USP47: variants seen among roughly 807,000 people sequenced by gnomAD.
USP47 encodes ubiquitin carboxyl-terminal hydrolase 47.
A neutral mutation model predicts 165.1 loss-of-function variants in USP47; 35 were observed. The observed-to-expected ratio is 0.21, with a 90% CI of 0.16 to 0.28. The LOEUF (loss-of-function observed/expected upper bound fraction) is 0.28. Ranked by LOEUF, USP47 falls within the 10% of genes least tolerant of loss-of-function variation. The probability of loss-of-function intolerance (pLI) is 1.00; values close to 1 mark genes in which losing one functional copy is unlikely to be tolerated. For synonymous variants in USP47, 531 were observed against 544.5 expected, an observed-to-expected ratio of 0.98 and a Z score of 0.35; for missense variants, 1,277 against 1,607.4, an observed-to-expected ratio of 0.79 and a Z score of 3.52.
At chr11:11,911,634 A>AGT (rs1234298002) in intron 8 of USP47, among the ~76,000 whole-genome samples, 1 of 152,182 alleles carries the variant, frequency 6.6e-6, no homozygotes, top group Non-Finnish European at 1.5e-5. Flanking sequence ...AACTAAAAGG[A>AGT]AAAAGACAAA....
intron 2 of USP47, among the ~76,000 whole-genome samples, chr11:11,882,157 A>G (rs1394252634): frequency 6.6e-6 from 1 of 152,188 alleles, no homozygotes; most frequent in Non-Finnish European, 1.5e-5. Context: ...CTCATTGCCC[A>G]CTGATTAAAA....
chr11:11,955,266 G>A (rs1209093113), intron 27 of USP47, 102 bp downstream of exon 27: 17 of 1,367,568 alleles, frequency 1.2e-5, no homozygotes, highest in East Asian at 7.3e-5. Flanking sequence ...GATATGGAGC[G>A]GCACTAACCG....
At chr11:11,950,856 A>G (rs1306929932) in intron 24 of USP47, 1 of 153,884 alleles carries the variant, frequency 6.5e-6, no homozygotes, top group Non-Finnish European at 1.4e-5. Flanking sequence ...TTTTTAATAC[A>G]TTTTAAGAAA....
intron 14 of USP47, 129 bp from the exon 15 acceptor site, chr11:11,932,875 G>T: frequency 1.5e-6 from 1 of 650,992 alleles, no homozygotes; most frequent in Non-Finnish European, 2.6e-6. Flanking sequence ...TTGAGAGAAG[G>T]ATGTAATGGA....
chr11:11,871,698 CAG>C (rs974847853), intron 1 of USP47, among the ~76,000 whole-genome samples: 18 of 152,148 alleles, frequency 1.2e-4, no homozygotes, highest in Middle Eastern at 3.4e-3. Flanking sequence ...GCTGTTTGCA[CAG>C]AGTGTCCAGC....
chr11:11,887,155 T>G (rs1366715202), intron 3 of USP47, among the ~76,000 whole-genome samples: 1 of 152,124 alleles, frequency 6.6e-6, no homozygotes, highest in African/African-American at 2.4e-5. Context: ...CCAGTGACAC[T>G]ATCAAGCAAC....
At chr11:11,931,099 C>T (rs1319402564) in intron 14 of USP47, among the ~76,000 whole-genome samples, 1 of 151,988 alleles carries the variant, frequency 6.6e-6, no homozygotes, top group East Asian at 1.9e-4. Context: ...CTAATTCTGA[C>T]TCAGGCTGTA....
rs191322517 is a variant in USP47, at chr11:11,957,252, C to T, written c.*1077C>T. The T allele has an allele frequency of 5.3e-5, 8 of 150,098 alleles. No individual in the cohort carries two copies. Among genetic ancestry groups the T allele is most frequent in the South Asian group, 2.1e-4 (1 of 4,700 alleles). 9.3% of individuals were successfully genotyped at this position (150,098 alleles called of 1,614,324 possible). On this transcript the variant is annotated 3_prime_UTR_variant, in exon 28 of 28. Transcript: ENST00000527733. ...TACATGTAGTTTAACTTTTGGGAAA[C>T]GTCTTAACATTGTTCTGAATAAACT...
Position 11,948,014 on chromosome 11 carries a change from G to A in USP47, c.3161G>A (p.Gly1054Glu), listed in dbSNP as rs765797688. 24 of 1,613,786 alleles carry A rather than the reference G, an allele frequency of 1.5e-5. No individual in the cohort carries two copies. Among genetic ancestry groups the A allele is most frequent in the Non-Finnish European group, 1.9e-5 (23 of 1,179,868 alleles). The change falls in exon 21 of 28, where the codon GGA becomes GAA. Residue 1054 changes from glycine to glutamate, a missense_variant. Coordinates refer to ENST00000527733, the MANE Select transcript of USP47 (RefSeq NM_001282659.2). ...AFKQHLEPFV[G>E]VLSSHFKVFR... is the part of the protein sequence containing the mutation. The stretch of plus-strand genomic sequence containing the variant: ...AAACAACATTTAGAGCCCTTTGTTG[G>A]AGTTTTGTCCTCTCACTTCAAGGTC...
intron 1 of USP47, among the ~76,000 whole-genome samples, chr11:11,867,072 T>A (rs1028023794): frequency 6.6e-6 from 1 of 152,096 alleles, no homozygotes; most frequent in Non-Finnish European, 1.5e-5. Context: ...TAATTTTGTA[T>A]TTTTGGTAGA....
chr11:11,900,452 G>A (rs1034984959), intron 5 of USP47, among the ~76,000 whole-genome samples: 7 of 152,042 alleles, frequency 4.6e-5, no homozygotes, highest in African/African-American at 9.7e-5. Context: ...GAGCCACCGC[G>A]CCCGGCCTAT....
At chr11:11,902,984 A>T (rs1327137948) in intron 6 of USP47, 124 bp downstream of exon 6, 7 of 1,093,380 alleles carry the variant, frequency 6.4e-6, no homozygotes, top group Non-Finnish European at 8.8e-6. Flanking sequence ...GTTTGTTGTC[A>T]TATATTTTCT....
chr11:11,874,244 A>G (rs1251606337), intron 1 of USP47, among the ~76,000 whole-genome samples: 5 of 152,212 alleles, frequency 3.3e-5, no homozygotes, highest in African/African-American at 1.2e-4. Flanking sequence ...GCCTGTGTGC[A>G]CTACAGACTT....
chr11:11,853,426 G>A (rs1848837973), intron 1 of USP47, among the ~76,000 whole-genome samples: 5 of 152,128 alleles, frequency 3.3e-5, no homozygotes. Flanking sequence ...AAAGTATTTG[G>A]CAAAATGATT....
At chr11:11,936,075 A>G (rs889015368) in intron 16 of USP47, among the ~76,000 whole-genome samples, 2 of 151,806 alleles carry the variant, frequency 1.3e-5, no homozygotes, top group Non-Finnish European at 2.9e-5. Context: ...TATTTAGTAC[A>G]TGCTTTATAT....
rs764005502 is a variant in USP47 at position 11,940,551 on chromosome 11, A to G, written c.2313+3A>G. On this transcript the variant is annotated splice_donor_region_variant and intron_variant, in intron 19 of 27. Transcript: ENST00000527733. ...AAGGATTTTTTAGAAGTAACAAGGT[A>G]TGTCATTTACTTTTTCATTACTATT... 19 of 1,610,440 alleles carry G rather than the reference A, an allele frequency of 1.2e-5. No homozygotes were observed. Among genetic ancestry groups the G allele is most frequent in the Non-Finnish European group, 1.5e-5 (18 of 1,177,826 alleles).
chr11:11,882,380 G>T (rs1037848546), intron 2 of USP47, among the ~76,000 whole-genome samples: 3 of 152,114 alleles, frequency 2.0e-5, no homozygotes, highest in Non-Finnish European at 1.5e-5. Context: ...AAAGATGTTT[G>T]ATGTTGCCTG....
chr11:11,922,938 C>G (rs751070342), intron 11 of USP47, 47 bp downstream of exon 11: 12 of 1,554,418 alleles, frequency 7.7e-6, no homozygotes, highest in Non-Finnish European at 7.0e-6. Context: ...AGAATAATCT[C>G]TGACTTCCTA....
chr11:11,961,581 G>C lies in USP47; in HGVS notation c.*5406G>C, dbSNP rs1019286059. Among the ~76,000 whole-genome samples the C allele has an allele frequency of 6.6e-6, 1 of 152,240 alleles. No individual in the cohort carries two copies. The highest frequency in any genetic ancestry group is 1.5e-5 in the Non-Finnish European group (1 of 68,038). On this transcript the variant is annotated 3_prime_UTR_variant, in exon 28 of 28. Coordinates refer to ENST00000527733, the MANE Select transcript of USP47 (RefSeq NM_001282659.2). ...AGCCCTGTTGATCACATGATCACCAGATGGCTGCCCCAGAGCCAAATGTCG... is the reference window on the plus strand; with the variant it reads ...AGCCCTGTTGATCACATGATCACCACATGGCTGCCCCAGAGCCAAATGTCG...
Sources: gnomAD v4.1 joint callset for allele counts (sites outside exome capture counted in the v4.1 genomes callset) on GRCh38, gnomAD v4.1.1 for gene constraint, MANE v1.5 for transcripts, NCBI Gene and HGNC (gene_info 2026-07-23, HGNC 2026-07-21) for gene names.